Variants in ATAD2 observed in about 807,000 individuals in gnomAD.
ATAD2 encodes ATPase family AAA domain-containing protein 2.
ATAD2 carries 62 observed loss-of-function variants against 168.9 expected under a neutral mutation model. The ratio of observed to expected loss-of-function variants is 0.37; its 90% CI spans 0.30 to 0.45. The LOEUF (loss-of-function observed/expected upper bound fraction) is 0.45, where lower values mean the gene tolerates loss of function less well. ATAD2 is among the 20% of genes least tolerant of loss of function. ATAD2 has a pLI of 1.00. For missense variants in ATAD2, 1,419 were observed against 1,667.8 expected, an observed-to-expected ratio of 0.85 and a Z score of 2.60; for synonymous variants, 613 against 571.6, an observed-to-expected ratio of 1.07 and a Z score of -1.03.
intron 1 of ATAD2, 115 bp downstream of exon 1, chr8:123,396,072 C>T (rs1812809947): frequency 8.4e-7 from 1 of 1,196,642 alleles, no homozygotes; most frequent in Non-Finnish European, 1.1e-6. Context: ...CACACTTCTC[C>T]CCCGACAACT....
rs764578601 is a variant in ATAD2 at position 123,320,999 on chromosome 8, T to C, written c.*135A>G. 9 of 760,388 alleles carry C rather than the reference T, an allele frequency of 1.2e-5. No individual in the cohort carries two copies. Among genetic ancestry groups the C allele is most frequent in the Admixed American group, 8.7e-5 (3 of 34,410 alleles). 47.1% of individuals were successfully genotyped at this position (760,388 alleles called of 1,614,324 possible). ...AATATGTACATAAATATCAGGAAAG[T>C]TTAAATACTTTTATTTTACTATTTT... On this transcript the variant is annotated 3_prime_UTR_variant, in exon 28 of 28. Coordinates refer to ENST00000287394, the MANE Select transcript of ATAD2 (RefSeq NM_014109.4).
At chr8:123,334,105 C>A in intron 23 of ATAD2, 84 bp from the exon 24 acceptor site, 2 of 1,556,432 alleles carry the variant, frequency 1.3e-6, no homozygotes, top group Non-Finnish European at 8.7e-7. Flanking sequence ...CAAAATACAT[C>A]TGAAGCATCC....
intron 25 of ATAD2, among the ~76,000 whole-genome samples, chr8:123,327,346 C>G (rs1827642435): frequency 6.6e-6 from 1 of 152,046 alleles, no homozygotes; most frequent in South Asian, 2.1e-4. Context: ...AAAAATAAAA[C>G]AAATCTGATT....
chr8:123,379,499 C>G (rs1829425135), intron 2 of ATAD2, among the ~76,000 whole-genome samples: 1 of 151,992 alleles, frequency 6.6e-6, no homozygotes, highest in Non-Finnish European at 1.5e-5. Flanking sequence ...ACCTTGTTAG[C>G]TGTACTCATA....
chr8:123,324,130 T>G (rs961348366), intron 26 of ATAD2, among the ~76,000 whole-genome samples: 4 of 152,220 alleles, frequency 2.6e-5, no homozygotes, highest in African/African-American at 7.2e-5. Flanking sequence ...ATAGAGTTTT[T>G]CAGAAAGACT....
intron 8 of ATAD2, among the ~76,000 whole-genome samples, chr8:123,364,931 T>C (rs988879508): frequency 2.6e-5 from 4 of 151,902 alleles, no homozygotes; most frequent in Non-Finnish European, 1.5e-5. Context: ...GCCACAGCAA[T>C]CAGACAAGAG....
chr8:123,384,453 T>C (rs1829589285), intron 1 of ATAD2, among the ~76,000 whole-genome samples: 1 of 152,230 alleles, frequency 6.6e-6, no homozygotes, highest in Non-Finnish European at 1.5e-5. Context: ...TCATGGTCAT[T>C]GATCCATCTC....
At chr8:123,412,632 G>C (rs1459227116) in intron 1 of ATAD2, among the ~76,000 whole-genome samples, 1 of 151,508 alleles carries the variant, frequency 6.6e-6, no homozygotes, top group Non-Finnish European at 1.5e-5. Context: ...ACAGGGTCTT[G>C]CTGTGTTGCT....
At chr8:123,374,792 A>G (rs1829254158) in intron 2 of ATAD2, among the ~76,000 whole-genome samples, 1 of 152,228 alleles carries the variant, frequency 6.6e-6, no homozygotes, top group African/African-American at 2.4e-5. Context: ...ATCTGATGAA[A>G]GCTACGGTAT....
chr8:123,357,364 T>A (rs1828681827), intron 12 of ATAD2, among the ~76,000 whole-genome samples, 198 bp downstream of exon 12: 1 of 152,206 alleles, frequency 6.6e-6, no homozygotes, highest in African/African-American at 2.4e-5. Flanking sequence ...TCCAATTATT[T>A]CTTTCCCTTC....
chr8:123,400,740 T>C (rs1812984755), upstream of ATAD2: 13 of 767,052 alleles, frequency 1.7e-5, no homozygotes, highest in Non-Finnish European at 2.6e-5. The surrounding 1 kb of genome is among the most constrained non-coding windows in gnomAD (Gnocchi z 4.5). Context: ...CCTCAGCCCT[T>C]ACCTGGAAGA....
At chr8:123,369,210 T>C in intron 7 of ATAD2, 35 bp from the exon 8 acceptor site, 9 of 735,288 alleles carry the variant, frequency 1.2e-5, no homozygotes, top group Non-Finnish European at 1.5e-5. Context: ...TATTTGTATA[T>C]ATATATATAT....
At chr8:123,375,384 T>A (rs988233736) in intron 2 of ATAD2, among the ~76,000 whole-genome samples, 7 of 152,206 alleles carry the variant, frequency 4.6e-5, no homozygotes, top group Non-Finnish European at 1.5e-5. Flanking sequence ...CTATGACAAG[T>A]GTTGGTGAGG....
intron 1 of ATAD2, among the ~76,000 whole-genome samples, chr8:123,411,558 A>G (rs1173941587): frequency 4.6e-5 from 7 of 152,088 alleles, no homozygotes; most frequent in Admixed American, 2.6e-4. Context: ...AACCCAACCA[A>G]TCAGAGAGCT....
At chr8:123,328,868 T>G (rs1415550823) in intron 24 of ATAD2, among the ~76,000 whole-genome samples, 3 of 148,928 alleles carry the variant, frequency 2.0e-5, no homozygotes, top group African/African-American at 7.4e-5. Context: ...TGGTGCGATC[T>G]CGGCTCACTG....
rs1300945148 is a variant in ATAD2, at chr8:123,328,560, A to C, written c.3498T>G (p.Ile1166Met). 6.5e-7 allele frequency: 1 copy of C among 1,536,996 alleles called. No individual in the cohort carries two copies. The highest frequency in any genetic ancestry group is 2.2e-5 in the Admixed American group (1 of 45,408). ...CTAAGTACCAGTTTGACTTTTTGCG[A>C]ATTTTCCTCTTCAACTGAGCTTCAA... ...CSTPAQLKRK[I>M]RKKSNWYLGT... Residue 1166 changes from isoleucine to methionine, a missense_variant, in exon 25 of 28, where the codon ATT (isoleucine) becomes ATG (methionine). Around this residue, in one of 5 missense-constraint regions of ATAD2, gnomAD observed 303 missense variants for 304.3 expected, o/e 1.00. Transcript: ENST00000287394.
At position 123,333,990 on chromosome 8, in the gene ATAD2, G is replaced by C; in HGVS notation, c.3366C>G (p.Tyr1122Ter). 2 of 1,614,076 alleles carry C rather than the reference G, an allele frequency of 1.2e-6. No homozygotes were observed. Among genetic ancestry groups the C allele is most frequent in the Non-Finnish European group, 1.7e-6 (2 of 1,179,974 alleles). ...GCSSSKYAPSYYHVMPKQNST... is the reference protein window; with the variant it reads ...GCSSSKYAPS ...AATTTTGCTTTGGCATCACATGGTA[G>C]TAAGACGGGGCATATTTGGAGGAGC... Residue 1122 changes from tyrosine to a stop codon, truncating the protein, a stop_gained, in exon 24 of 28, where the codon TAC (tyrosine) becomes TAG (stop). Coordinates refer to ENST00000287394, the MANE Select transcript of ATAD2 (RefSeq NM_014109.4). LOFTEE classifies it high-confidence loss of function.
intron 18 of ATAD2, among the ~76,000 whole-genome samples, 198 bp from the exon 19 acceptor site, chr8:123,345,267 T>A (rs749202890): frequency 1.1e-4 from 16 of 152,214 alleles, no homozygotes; most frequent in Non-Finnish European, 1.9e-4. Context: ...AGATAATTTC[T>A]TCAAGCAACT....
Position 123,361,421 on chromosome 8 carries a change from A to T in ATAD2, c.1157+118T>A, listed in dbSNP as rs1280509346. 31 of 682,446 alleles carry T rather than the reference A, an allele frequency of 4.5e-5. No individual in the cohort carries two copies. The South Asian group carries it at 5.4e-4, about 12-fold the overall frequency. The allele number at this position is 682,446 out of a possible 1,614,324, so 42.3% of individuals were successfully genotyped here. On this transcript the variant is annotated intron_variant, in intron 9 of 27. Transcript: ENST00000287394. ...AGACAGCATTCTAGTTTATACATTAACCTGTTGTGCAACTTTTTAATCAGC... is the reference window on the plus strand; with the variant it reads ...AGACAGCATTCTAGTTTATACATTATCCTGTTGTGCAACTTTTTAATCAGC...
Sources: gnomAD v4.1 joint callset for allele counts (sites outside exome capture counted in the v4.1 genomes callset) on GRCh38, gnomAD v4.1.1 for gene constraint, gnomAD v4.1.1 regional missense constraint, Gnocchi (gnomAD v3.1) non-coding constraint, MANE v1.5 for transcripts, NCBI Gene and HGNC (gene_info 2026-07-23, HGNC 2026-07-21) for gene names.